The following PTPRD variants were observed in gnomAD, a reference collection of about 807,000 sequenced individuals.
PTPRD encodes the protein receptor-type tyrosine-protein phosphatase delta.
PTPRD carries 34 observed loss-of-function variants against 214.5 expected under a neutral mutation model. That is an observed-to-expected ratio of 0.16 (90% confidence interval 0.12 to 0.21). The LOEUF is 0.21. Among genes scored for constraint, PTPRD ranks in the 10% least tolerant of loss-of-function variants. The pLI, the probability that PTPRD is intolerant of heterozygous loss-of-function variation, is 1.00. For synonymous variants in PTPRD, 1,128 were observed against 845.7 expected (o/e 1.33, Z -5.79); for missense variants, 2,545 against 2,398.7 (o/e 1.06, Z -1.27).
chr9:9,667,798 G>C (rs1163601130), intron 7 of PTPRD, among the ~76,000 whole-genome samples: 1 of 152,162 alleles, frequency 6.6e-6, no homozygotes, highest in East Asian at 1.9e-4. Flanking sequence ...CATTTATTCA[G>C]AGGTCTGTAG....
At chr9:8,922,673 C>G (rs1401169209) in intron 11 of PTPRD, among the ~76,000 whole-genome samples, 2 of 151,340 alleles carry the variant, frequency 1.3e-5, no homozygotes, top group Non-Finnish European at 3.0e-5. Flanking sequence ...TCGCTCTGTC[C>G]CTCTGATGCT....
intron 4 of PTPRD, among the ~76,000 whole-genome samples, chr9:10,005,559 A>T (rs1359874867): frequency 6.6e-6 from 1 of 152,036 alleles, no homozygotes; most frequent in East Asian, 1.9e-4. Context: ...GTGTGTCTTT[A>T]TCTCCTTTCT....
intron 5 of PTPRD, among the ~76,000 whole-genome samples, chr9:9,922,813 G>C (rs948679561): frequency 2.6e-5 from 4 of 151,966 alleles, no homozygotes; most frequent in Non-Finnish European, 5.9e-5. Flanking sequence ...GGCAAGAAAA[G>C]CTGGAGAGGT....
chr9:9,266,976 C>T (rs184473694), intron 9 of PTPRD, among the ~76,000 whole-genome samples: 82 of 151,032 alleles, frequency 5.4e-4, no homozygotes, highest in Middle Eastern at 3.4e-3. Context: ...ATAGAGACTA[C>T]AAAAAATTAG....
At chr9:9,323,800 T>C (rs575774700) in intron 9 of PTPRD, among the ~76,000 whole-genome samples, 1 of 152,286 alleles carries the variant, frequency 6.6e-6, no homozygotes, top group East Asian at 1.9e-4. Flanking sequence ...CATTAACTCG[T>C]CATTTACATT....
chr9:9,195,034 GTATA>G (rs1429171245), intron 9 of PTPRD, among the ~76,000 whole-genome samples: 1 of 148,280 alleles, frequency 6.7e-6, no homozygotes. Flanking sequence ...GTGTGTGTGT[GTATA>G]TATATACATA....
rs1377222696 is a variant in PTPRD, at chr9:8,316,825, T to A, written c.*1049A>T. The A allele has an allele frequency of 4.3e-6, 1 of 231,258 alleles. No individual in the cohort carries two copies. 14.3% of individuals were successfully genotyped at this position (231,258 alleles called of 1,614,324 possible). ...AAGAAATACCAATATGTCAAAAAATTAAGAATAAATGGAAAGAGATGTTTA... is the reference window on the plus strand; with the variant it reads ...AAGAAATACCAATATGTCAAAAAATAAAGAATAAATGGAAAGAGATGTTTA... On this transcript the variant is annotated 3_prime_UTR_variant, in exon 46 of 46. Transcript: ENST00000381196.
At chr9:8,826,515 T>A (rs2097177989) in intron 11 of PTPRD, among the ~76,000 whole-genome samples, 1 of 152,158 alleles carries the variant, frequency 6.6e-6, no homozygotes, top group South Asian at 2.1e-4. Context: ...AGTTATTTCC[T>A]GCCTTTTATC....
At chr9:9,402,365 T>C (rs2070998183) in intron 8 of PTPRD, among the ~76,000 whole-genome samples, 1 of 152,122 alleles carries the variant, frequency 6.6e-6, no homozygotes, top group Non-Finnish European at 1.5e-5. Context: ...CTCCTAAAAA[T>C]CTGTCACAAA....
At chr9:8,519,527 C>A (rs889488295) in intron 20 of PTPRD, among the ~76,000 whole-genome samples, 1 of 152,004 alleles carries the variant, frequency 6.6e-6, no homozygotes, top group Non-Finnish European at 1.5e-5. Flanking sequence ...GTTTCCTTGC[C>A]AACATAAAGG....
chr9:9,123,230 G>C (rs145878804), intron 10 of PTPRD, among the ~76,000 whole-genome samples: 1 of 152,170 alleles, frequency 6.6e-6, no homozygotes, highest in Non-Finnish European at 1.5e-5. Context: ...TCTGTGCCAT[G>C]TCACTCCAAC....
At chr9:8,629,611 T>G (rs2096180369) in intron 14 of PTPRD, among the ~76,000 whole-genome samples, 2 of 151,770 alleles carry the variant, frequency 1.3e-5, no homozygotes, top group African/African-American at 2.4e-5. Context: ...GTAGCCTCAG[T>G]ACATCCTAAG....
At chr9:9,652,814 A>G (rs1205415102) in intron 7 of PTPRD, among the ~76,000 whole-genome samples, 2 of 151,752 alleles carry the variant, frequency 1.3e-5, no homozygotes, top group South Asian at 2.1e-4. Context: ...GGGCTTCACC[A>G]TATTAGACAG....
intron 35 of PTPRD, among the ~76,000 whole-genome samples, chr9:8,432,754 ATACAACAC>A (rs1353810103): frequency 1.3e-5 from 2 of 152,196 alleles, no homozygotes; most frequent in Non-Finnish European, 1.5e-5. Flanking sequence ...TCACAGTTGA[ATACAACAC>A]TTAAACATCT....
chr9:10,177,164 G>C (rs765950356), intron 3 of PTPRD, among the ~76,000 whole-genome samples: 3 of 151,892 alleles, frequency 2.0e-5, no homozygotes, highest in African/African-American at 4.8e-5. Flanking sequence ...TAGTATACTT[G>C]GTTTCATCGT....
chr9:10,441,374 T>C (rs1208328230), intron 2 of PTPRD, among the ~76,000 whole-genome samples: 1 of 151,712 alleles, frequency 6.6e-6, no homozygotes, highest in Non-Finnish European at 1.5e-5. Context: ...GCATTCTGAA[T>C]GTTTTGAATT....
At chr9:9,943,654 T>C (rs1191303245) in intron 4 of PTPRD, among the ~76,000 whole-genome samples, 4 of 131,560 alleles carry the variant, frequency 3.0e-5, no homozygotes, top group Non-Finnish European at 6.3e-5. Flanking sequence ...AAAATAAAAG[T>C]GTAGTCATTT....
At chr9:9,923,272 T>A (rs1275206000) in intron 5 of PTPRD, among the ~76,000 whole-genome samples, 3 of 151,102 alleles carry the variant, frequency 2.0e-5, no homozygotes, top group African/African-American at 7.3e-5. Flanking sequence ...AATAAAATAT[T>A]GTAATGAATA....
intron 11 of PTPRD, among the ~76,000 whole-genome samples, chr9:8,772,849 G>T (rs73425032): frequency 0.01 from 1,535 of 151,838 alleles, 25 homozygotes; most frequent in African/African-American, 0.036. Flanking sequence ...AGATATTTTT[G>T]TGTCCCTATA....
Sources: allele counts gnomAD v4.1 joint callset (sites outside exome capture counted in the v4.1 genomes callset), GRCh38; gene constraint gnomAD v4.1.1; transcripts MANE v1.5; gene names NCBI Gene and HGNC (gene_info 2026-07-23, HGNC 2026-07-21).